Variants in YAP1 observed in about 807,000 individuals in gnomAD.
YAP1 encodes the protein transcriptional coactivator YAP1.
A neutral mutation model predicts 56.9 loss-of-function variants in YAP1; 5 were observed. The ratio of observed to expected loss-of-function variants is 0.09; its 90% CI spans 0.05 to 0.18. YAP1 has a LOEUF of 0.18. Among genes scored for constraint, YAP1 ranks in the 10% least tolerant of loss-of-function variants. The pLI, the probability that YAP1 is intolerant of heterozygous loss-of-function variation, is 1.00. For missense variants in YAP1, 539 were observed against 651.8 expected, an observed-to-expected ratio of 0.83 and a Z score of 1.88; for synonymous variants, 265 against 248.1, an observed-to-expected ratio of 1.07 and a Z score of -0.64.
intron 6 of YAP1, among the ~76,000 whole-genome samples, chr11:102,223,100 T>C (rs1303704153): frequency 6.6e-6 from 1 of 151,190 alleles, no homozygotes; most frequent in Admixed American, 6.6e-5. Flanking sequence ...TACAAAAAAT[T>C]AGCTGGGCGT....
chr11:102,138,584 T>C (rs1478413692), intron 2 of YAP1, among the ~76,000 whole-genome samples: 2 of 152,230 alleles, frequency 1.3e-5, no homozygotes, highest in Non-Finnish European at 2.9e-5. Context: ...TGAACTGAAA[T>C]GGAAAATTTA....
At chr11:102,222,723 A>G (rs765068083) in intron 6 of YAP1, among the ~76,000 whole-genome samples, 13 of 152,058 alleles carry the variant, frequency 8.5e-5, no homozygotes, top group Non-Finnish European at 7.4e-5. Context: ...CTGCTAGAGG[A>G]TGGAACATAT....
rs114816550 is a variant in YAP1, at chr11:102,177,908, A to G, written c.689-8110A>G. ...AAAGTTCCAAGAAAAGAGGATTAAA[A>G]AAATATGATTACTGTTTGTCATAAT... On this transcript the variant is annotated intron_variant, in intron 3 of 8. Transcript: ENST00000282441. Among the ~76,000 whole-genome samples, 99 of 152,296 alleles carry G rather than the reference A, an allele frequency of 6.5e-4. 1 individual carries two copies. Among genetic ancestry groups the G allele is most frequent in the African/African-American group, 2.3e-3 (95 of 41,556 alleles).
rs11225162 is a variant in YAP1 at position 102,199,788 on chromosome 11, A to G, written c.803-6105A>G. On this transcript the variant is annotated intron_variant, in intron 4 of 8. Coordinates refer to ENST00000282441, the MANE Select transcript of YAP1 (RefSeq NM_001130145.3). ...CCTGAGAAGAACTGTTAATAAAAGT[A>G]TTAATAAGGAAGAGGACACACAAAA... Among the ~76,000 whole-genome samples the G allele has an allele frequency of 6.3e-4, 96 of 152,338 alleles. No individual in the cohort carries two copies. In the East Asian group the frequency reaches 9.6e-3, roughly 15 times the overall value.
At chr11:102,125,367 T>TC (rs1943968557) in intron 2 of YAP1, among the ~76,000 whole-genome samples, 1 of 136,504 alleles carries the variant, frequency 7.3e-6, no homozygotes, top group Non-Finnish European at 1.6e-5. Flanking sequence ...CTTTTTTTTT[T>TC]CTTTTCTTTT....
intron 5 of YAP1, 145 bp from the exon 6 acceptor site, chr11:102,209,372 C>T: frequency 1.4e-6 from 1 of 712,954 alleles, no homozygotes; most frequent in Non-Finnish European, 2.3e-6. Flanking sequence ...TCCATTGGCT[C>T]CTGTCTTCGT....
At chr11:102,229,589 T>G in intron 8 of YAP1, 113 bp from the exon 9 acceptor site, 3 of 883,746 alleles carry the variant, frequency 3.4e-6, no homozygotes, top group Non-Finnish European at 5.3e-6. Flanking sequence ...GGTATCAGTT[T>G]AGGTCAGTCA....
At chr11:102,148,941 T>C (rs1171060291) in intron 2 of YAP1, among the ~76,000 whole-genome samples, 3 of 152,210 alleles carry the variant, frequency 2.0e-5, no homozygotes, top group Non-Finnish European at 1.5e-5. Context: ...AGTACAGTTA[T>C]AACTATTTGT....
intron 4 of YAP1, among the ~76,000 whole-genome samples, chr11:102,204,121 A>G (rs539405795): frequency 2.2e-4 from 34 of 151,964 alleles, no homozygotes; most frequent in South Asian, 4.2e-4. Context: ...GTCTTGAGCC[A>G]GGTATGATGC....
chr11:102,169,603 A>G (rs150451195), intron 3 of YAP1, among the ~76,000 whole-genome samples: 1 of 152,222 alleles, frequency 6.6e-6, no homozygotes, highest in Non-Finnish European at 1.5e-5. Flanking sequence ...TTGTATTCCA[A>G]ATACCTTTTT....
At chr11:102,187,417 T>G (rs1420868286) in intron 4 of YAP1, among the ~76,000 whole-genome samples, 1 of 152,178 alleles carries the variant, frequency 6.6e-6, no homozygotes, top group Admixed American at 6.5e-5. Flanking sequence ...CAGATTCTGT[T>G]TACTATTTGA....
Position 102,231,308 on chromosome 11 carries a change from G to C in YAP1, c.*1368G>C, listed in dbSNP as rs1352199123. The C allele has an allele frequency of 6.6e-6, 1 of 152,068 alleles. No homozygotes were observed. The highest frequency in any genetic ancestry group is 6.5e-5 in the Admixed American group (1 of 15,270). The allele number at this position is 152,068 out of a possible 1,614,324, so 9.4% of individuals were successfully genotyped here. On this transcript the variant is annotated 3_prime_UTR_variant, in exon 9 of 9. Transcript: ENST00000282441. ...TGGAAGTTTTCTTTGCCTTAGTTTT[G>C]GAAGTAAATTCTAGTTTGTAGTTCT...
At position 102,228,732 on chromosome 11, in the gene YAP1, C is replaced by T. The variant is rs140170002; in HGVS notation, c.1277-970C>T. On this transcript the variant is annotated intron_variant, in intron 8 of 8. Coordinates refer to ENST00000282441, the MANE Select transcript of YAP1 (RefSeq NM_001130145.3). Reference sequence around the variant, plus strand: ...CAGGGGTAATTACGGAAGCATTTCTCCTGTGGCTTACCTGGCAACCATTGC... The same window carrying T: ...CAGGGGTAATTACGGAAGCATTTCTTCTGTGGCTTACCTGGCAACCATTGC... Among the ~76,000 whole-genome samples, 761 of 151,792 alleles carry T rather than the reference C, an allele frequency of 5.0e-3. 4 individuals carry two copies. Among genetic ancestry groups the T allele is most frequent in the African/African-American group, 0.018 (729 of 41,374 alleles).
intron 2 of YAP1, among the ~76,000 whole-genome samples, chr11:102,159,057 A>G (rs1410459479): frequency 6.6e-6 from 1 of 152,238 alleles, no homozygotes; most frequent in African/African-American, 2.4e-5. Flanking sequence ...ATTTTGCGGC[A>G]TTTGGTTATA....
At chr11:102,195,580 C>G (rs1948531419) in intron 4 of YAP1, among the ~76,000 whole-genome samples, 1 of 152,074 alleles carries the variant, frequency 6.6e-6, no homozygotes, top group African/African-American at 2.4e-5. Flanking sequence ...GGCAATTTCT[C>G]CCATCCTGTT....
chr11:102,214,830 A>G (rs1169044097), intron 6 of YAP1, among the ~76,000 whole-genome samples: 1 of 152,178 alleles, frequency 6.6e-6, no homozygotes, highest in African/African-American at 2.4e-5. Context: ...ATTGAGTAAT[A>G]CAGATTACAA....
intron 6 of YAP1, among the ~76,000 whole-genome samples, chr11:102,214,717 T>C (rs1949576536): frequency 1.3e-5 from 2 of 152,244 alleles, no homozygotes; most frequent in Admixed American, 1.3e-4. Context: ...AGGGAAGATT[T>C]AGTCTCACAC....
intron 5 of YAP1, among the ~76,000 whole-genome samples, chr11:102,207,176 A>T (rs1210883763): frequency 6.6e-6 from 1 of 152,180 alleles, no homozygotes; most frequent in Non-Finnish European, 1.5e-5. Context: ...GAAAAATGGT[A>T]TACTAGTGAT....
chr11:102,176,184 A>G (rs936125989), intron 3 of YAP1, among the ~76,000 whole-genome samples: 4 of 152,230 alleles, frequency 2.6e-5, no homozygotes, highest in Non-Finnish European at 5.9e-5. Context: ...AAATGTTGCT[A>G]TCTTTGTCCT....
Sources: gnomAD v4.1 joint callset for allele counts (sites outside exome capture counted in the v4.1 genomes callset) on GRCh38, gnomAD v4.1.1 for gene constraint, MANE v1.5 for transcripts, NCBI Gene and HGNC (gene_info 2026-07-23, HGNC 2026-07-21) for gene names.